Variants in IDH2 observed in about 807,000 individuals in gnomAD.
IDH2 encodes isocitrate dehydrogenase [NADP], mitochondrial.
In IDH2, 18 loss-of-function variants were observed where a neutral mutation model predicts 50.5. The ratio of observed to expected loss-of-function variants is 0.36; its 90% confidence interval spans 0.25 to 0.53. IDH2 has a LOEUF of 0.53. Among genes scored for constraint, IDH2 ranks in the 20% least tolerant of loss-of-function variants. The probability of loss-of-function intolerance (pLI) is 0.92; values close to 1 mark genes in which losing one functional copy is unlikely to be tolerated. For missense variants in IDH2, 518 were observed against 610.7 expected (o/e 0.85, Z 1.60); for synonymous variants, 280 against 239.8 (o/e 1.17, Z -1.55).
chr15:90,089,876 G>A (rs1159940546), intron 3 of IDH2, among the ~76,000 whole-genome samples: 1 of 152,186 alleles, frequency 6.6e-6, no homozygotes, highest in East Asian at 1.9e-4. Flanking sequence ...GCATGACCAT[G>A]GGGACAGAGG....
In IDH2 at chr15:90,088,645, C is replaced by G. The variant is rs755016578; in HGVS notation, c.476G>C (p.Arg159Pro). 6.2e-7 allele frequency: 1 copy of G among 1,614,118 alleles called. No individual in the cohort carries two copies. The highest frequency in any genetic ancestry group is 8.5e-7 in the Non-Finnish European group (1 of 1,180,010). ...REPIICKNIP[R>P]LVPGWTKPIT... ...GGGCTTGGTCCAGCCAGGGACTAGG[C>G]GTGGGATGTTTTTGCAGATGATGGG... Residue 159 changes from arginine (R) to proline (P), a missense_variant, in exon 4 of 11, where the codon CGC becomes CCC. Physicochemically the swap from Arg to Pro is moderately radical, Grantham distance 103 (BLOSUM62 -2). Transcript: ENST00000330062.
rs2151546706 is a variant in IDH2, at chr15:90,084,995, G to A, written c.1178+6C>T. ...GGGCAGCTCCGGCCTCTCCCTCCAT[G>A]CTCACCTGATGAGGTCTTGGTTCCC... is the stretch of plus-strand genomic sequence containing the variant. On this transcript the variant is annotated splice_donor_region_variant and intron_variant, in intron 9 of 10. Coordinates refer to ENST00000330062, the MANE Select transcript of IDH2 (RefSeq NM_002168.4). The surrounding 1 kb of genome is among the most constrained non-coding windows in gnomAD (Gnocchi z 5.0). The A allele has an allele frequency of 6.2e-7, 1 of 1,613,478 alleles. No homozygotes were observed. Among genetic ancestry groups the A allele is most frequent in the Non-Finnish European group, 8.5e-7 (1 of 1,179,580 alleles).
chr15:90,086,114 A>G (rs748416208), intron 7 of IDH2, among the ~76,000 whole-genome samples: 2 of 152,142 alleles, frequency 1.3e-5, no homozygotes, highest in Admixed American at 6.5e-5. Flanking sequence ...TCATCCTTCT[A>G]TCCTAGATGG....
At chr15:90,088,835 G>A (rs1307093417) in intron 3 of IDH2, 88 bp from the exon 4 acceptor site, 7 of 1,456,820 alleles carry the variant, frequency 4.8e-6, no homozygotes, top group Admixed American at 1.7e-5. Flanking sequence ...AGCCAGACGG[G>A]GGTCCTAAAA....
rs942377953 is a variant in IDH2, at chr15:90,100,310, C to A, written c.115+1966G>T. Among the ~76,000 whole-genome samples the A allele has an allele frequency of 6.6e-6, 1 of 152,152 alleles. No homozygotes were observed. The highest frequency in any genetic ancestry group is 1.5e-5 in the Non-Finnish European group (1 of 68,028). On this transcript the variant is annotated intron_variant, in intron 1 of 10. Coordinates refer to ENST00000330062, the MANE Select transcript of IDH2 (RefSeq NM_002168.4). This position sits in a 1 kb window ranked among gnomAD's most constrained non-coding sequence, Gnocchi z 4.1. ...ACCCTGAATGGAACCAGCCCAAGGG[C>A]CCTCAACTTCACACAGAAGATGTGG...
chr15:90,091,692 G>A, intron 1 of IDH2, 48 bp from the exon 2 acceptor site: 3 of 1,512,808 alleles, frequency 2.0e-6, no homozygotes, highest in Non-Finnish European at 2.8e-6. Flanking sequence ...GAGGCTGGAG[G>A]GGGGCCCTCT....
rs1901354114 is a variant in IDH2 at position 90,102,247 on chromosome 15, C to T, written c.115+29G>A. The stretch of plus-strand genomic sequence containing the variant: ...GCCACGTCGCAGCTGGGGGCGCGCG[C>T]CTGCCTGGACCCTCCGCGCGGCACT... On this transcript the variant is annotated intron_variant, in intron 1 of 10. Coordinates refer to ENST00000330062, the MANE Select transcript of IDH2 (RefSeq NM_002168.4). The T allele has an allele frequency of 1.1e-5, 11 of 1,020,988 alleles. No homozygotes were observed. In the South Asian group the frequency reaches 3.7e-4, roughly 34 times the overall value. 63.2% of individuals were successfully genotyped at this position (1,020,988 alleles called of 1,614,324 possible). A position where few individuals can be genotyped will look rare whatever the true frequency, so the allele number is the denominator to read the frequency against.
intron 1 of IDH2, among the ~76,000 whole-genome samples, chr15:90,099,050 T>C (rs920235782): frequency 1.3e-5 from 2 of 152,040 alleles, no homozygotes; most frequent in Non-Finnish European, 2.9e-5. Context: ...ATATCCAGAA[T>C]CCAACCACTT....
Position 90,102,304 on chromosome 15 carries a change from G to A in IDH2, c.87C>T (p.Pro29=), listed in dbSNP as rs1267514100. The change falls in exon 1 of 11, where the codon CCC becomes CCT. Residue 29 remains proline (P), a synonymous_variant. Transcript: ENST00000330062. Reference sequence around the variant, plus strand: ...GGCGCCGCGGCTGCTCTTGCGAGGTGGGGGCTGTCAGGGCCGCCGGCGCCC... The same window carrying A: ...GGCGCCGCGGCTGCTCTTGCGAGGTAGGGGCTGTCAGGGCCGCCGGCGCCC... ...PAWAPAALTA[P]TSQEQPRRHY... 4 of 1,351,648 alleles carry A rather than the reference G, an allele frequency of 3.0e-6. No individual in the cohort carries two copies. Among genetic ancestry groups the A allele is most frequent in the Non-Finnish European group, 3.8e-6 (4 of 1,041,040 alleles). The allele number at this position is 1,351,648 out of a possible 1,614,324, so 83.7% of individuals were successfully genotyped here.
rs1901294319 is a variant in IDH2 at position 90,100,279 on chromosome 15, C to T, written c.115+1997G>A. Among the ~76,000 whole-genome samples the T allele has an allele frequency of 6.6e-6, 1 of 152,186 alleles. No individual in the cohort carries two copies. Among genetic ancestry groups the T allele is most frequent in the African/African-American group, 2.4e-5 (1 of 41,432 alleles). On this transcript the variant is annotated intron_variant, in intron 1 of 10. Coordinates refer to ENST00000330062, the MANE Select transcript of IDH2 (RefSeq NM_002168.4). The surrounding 1 kb of genome is among the most constrained non-coding windows in gnomAD (Gnocchi z 4.1). ...AGTAATCTGAGAGCAGTTTCCAGCA[C>T]CTCATACCCTGAATGGAACCAGCCC...
In IDH2 at chr15:90,088,365, G is replaced by A. The variant is rs996754495; in HGVS notation, c.672C>T (p.Thr224=). The part of the protein sequence containing the change: ...AGGVGMGMYN[T]DESISGFAHS... ...ATGCCCAAGCCAGCCTCACCTCGTC[G>A]GTGTTGTACATGCCCATGCCCACGC... The change falls in exon 5 of 11, where the codon ACC becomes ACT. Residue 224 remains threonine, a synonymous_variant. Transcript: ENST00000330062. 36 of 1,613,520 alleles carry A rather than the reference G, an allele frequency of 2.2e-5. No homozygotes were observed. The highest frequency in any genetic ancestry group is 1.8e-4 in the Middle Eastern group (1 of 5,704).
chr15:90,094,183 G>C (rs1204585160), intron 1 of IDH2, among the ~76,000 whole-genome samples: 1 of 152,160 alleles, frequency 6.6e-6, no homozygotes. Flanking sequence ...TAGGGGGCAG[G>C]GGACGCTACT....
intron 1 of IDH2, among the ~76,000 whole-genome samples, chr15:90,092,605 C>T (rs1313909785): frequency 5.3e-5 from 8 of 151,172 alleles, no homozygotes; most frequent in South Asian, 4.2e-4. Context: ...GACGAAGTTT[C>T]GCTATTGTCC....
intron 1 of IDH2, among the ~76,000 whole-genome samples, chr15:90,099,484 G>C (rs953972154): frequency 6.6e-6 from 1 of 152,150 alleles, no homozygotes; most frequent in Non-Finnish European, 1.5e-5. Flanking sequence ...GGGGAGAAGG[G>C]GGAGGCAGGG....
chr15:90,101,871 C>G (rs1290876189), intron 1 of IDH2, among the ~76,000 whole-genome samples: 1 of 152,092 alleles, frequency 6.6e-6, no homozygotes, highest in African/African-American at 2.4e-5. Flanking sequence ...GACCCTCCCT[C>G]TCGCCAGGGG....
Position 90,084,341 on chromosome 15 carries a change from G to A in IDH2, c.1284C>T (p.Asn428=), listed in dbSNP as rs191547948. 50 of 1,613,886 alleles carry A rather than the reference G, an allele frequency of 3.1e-5. No individual in the cohort carries two copies. In the Admixed American group the frequency reaches 6.3e-4, roughly 20 times the overall value. The change falls in exon 11 of 11, where the codon AAC becomes AAT. Residue 428 remains asparagine, a synonymous_variant. Transcript: ENST00000330062. This position sits in a 1 kb window ranked among gnomAD's most constrained non-coding sequence, Gnocchi z 5.0. ...AGTCCGTGGTGTTCAGGAAGTGCTCGTTCAGCTTCACACTGCAGAGAGAGC... is the reference window on the plus strand; with the variant it reads ...AGTCCGTGGTGTTCAGGAAGTGCTCATTCAGCTTCACACTGCAGAGAGAGC... The part of the protein sequence containing the change: ...CIHGLSNVKL[N]EHFLNTTDFL...
rs186526901 is a variant in IDH2, at chr15:90,096,787, G to A, written c.116-5143C>T. Among the ~76,000 whole-genome samples the A allele has an allele frequency of 7.2e-3, 1,093 of 151,964 alleles. 10 individuals carry two copies. Among genetic ancestry groups the A allele is most frequent in the Non-Finnish European group, 0.012 (802 of 67,940 alleles). On this transcript the variant is annotated intron_variant, in intron 1 of 10. Transcript: ENST00000330062. ...AAATTAGCCAGGCGTGGTGGCAGGC[G>A]CCTGTAGTCCCAGCTACTGGGGAGG...
chr15:90,097,127 C>T (rs1901203351), intron 1 of IDH2, among the ~76,000 whole-genome samples: 1 of 152,188 alleles, frequency 6.6e-6, no homozygotes, highest in Non-Finnish European at 1.5e-5. Context: ...ACAGTCCCCC[C>T]TTATCAAAGG....
intron 3 of IDH2, among the ~76,000 whole-genome samples, 159 bp from the exon 4 acceptor site, chr15:90,088,906 A>ATTTTT (rs57901991): frequency 6.2e-5 from 6 of 96,482 alleles, no homozygotes; most frequent in Non-Finnish European, 1.0e-4. Context: ...GAGTCTGCCA[A>ATTTTT]TTTTTTTTTT....
Sources: gnomAD v4.1 joint callset for allele counts (sites outside exome capture counted in the v4.1 genomes callset) on GRCh38, gnomAD v4.1.1 for gene constraint, Gnocchi (gnomAD v3.1) non-coding constraint, MANE v1.5 for transcripts, NCBI Gene and HGNC (gene_info 2026-07-23, HGNC 2026-07-21) for gene names.